MMP19: variants seen among roughly 807,000 people sequenced by gnomAD.
The protein encoded by MMP19 is matrix metalloproteinase-19.
MMP19 carries 47 observed loss-of-function variants against 46.6 expected under a neutral mutation model. That is an observed-to-expected ratio of 1.01 (90% CI 0.80 to 1.29). MMP19 has a LOEUF of 1.29. Ranked by LOEUF, MMP19 falls within the 50% of genes most tolerant of loss-of-function variation. The probability of loss-of-function intolerance (pLI) is 0.00; values close to 1 mark genes in which losing one functional copy is unlikely to be tolerated. For synonymous variants in MMP19, 222 were observed against 248.5 expected (o/e 0.89, Z 1.00); for missense variants, 589 against 643.5 (o/e 0.92, Z 0.92).
chr12:55,841,385 C>A (rs1209916900), intron 2 of MMP19, 149 bp from the exon 3 acceptor site: 2 of 770,644 alleles, frequency 2.6e-6, no homozygotes, highest in Non-Finnish European at 4.1e-6. Context: ...GCCTCCAGTC[C>A]TCATAACTGG....
At chr12:55,839,158 C>T (rs1881483309) in intron 5 of MMP19, among the ~76,000 whole-genome samples, 1 of 149,402 alleles carries the variant, frequency 6.7e-6, no homozygotes, top group Middle Eastern at 3.4e-3. Flanking sequence ...AGGAGAATGG[C>T]TTGAACCCGG....
Position 55,837,910 on chromosome 12 carries a change from C to A in MMP19, c.993G>T (p.Glu331Asp). 3.7e-6 allele frequency: 6 copies of A among 1,613,376 alleles called. No homozygotes were observed. The highest frequency in any genetic ancestry group is 5.1e-6 in the Non-Finnish European group (6 of 1,179,380). Residue 331 changes from glutamate (E) to aspartate (D), a missense_variant, in exon 7 of 9, where the codon GAG becomes GAT. By Grantham distance (45) the Glu-to-Asp change is conservative (BLOSUM62 2). Coordinates refer to ENST00000322569, the MANE Select transcript of MMP19 (RefSeq NM_002429.6). ...GPLFRVSALW[E>D]GLPGNLDAAV... ...CAGCATCCAGGTTTCCGGGGAGCCC[C>A]TCCCAAAGGGCAGACACTCGGAACA...
intron 5 of MMP19, 95 bp from the exon 6 acceptor site, chr12:55,838,829 AG>A (rs1881459960): frequency 2.1e-6 from 2 of 973,272 alleles, no homozygotes; most frequent in African/African-American, 1.6e-5. Context: ...CCCCATACAG[AG>A]GGGAAAAGGG....
In MMP19 at chr12:55,841,205, A is replaced by C; in HGVS notation, c.205T>G (p.Ser69Ala). Residue 69 changes from serine to alanine, a missense_variant, in exon 3 of 9, where the codon TCA becomes GCA. Ser to Ala is a moderately conservative substitution (Grantham distance 99). Coordinates refer to ENST00000322569, the MANE Select transcript of MMP19 (RefSeq NM_002429.6). Reference protein sequence around the residue: ...AFQEASELPVSGQLDDATRAR... With the variant: ...AFQEASELPVAGQLDDATRAR... ...CTTGTGGCATCATCCAGCTGACCTG[A>C]GACTGGAAGTTCAGATGCTTCCTGA... 1 of 1,613,790 alleles carries C rather than the reference A, an allele frequency of 6.2e-7. No homozygotes were observed. Among genetic ancestry groups the C allele is most frequent in the Non-Finnish European group, 8.5e-7 (1 of 1,179,942 alleles).
rs2279317 is a variant in MMP19 at position 55,836,965 on chromosome 12, G to C, written c.*71C>G. Reference sequence around the variant, plus strand: ...TCAGCTATTAGGCCTTAGGCTTCTGGGGGGGAAATGAAAGGGTGGGTGGTG... The same window carrying C: ...TCAGCTATTAGGCCTTAGGCTTCTGCGGGGGAAATGAAAGGGTGGGTGGTG... On this transcript the variant is annotated 3_prime_UTR_variant, in exon 9 of 9. Coordinates refer to ENST00000322569, the MANE Select transcript of MMP19 (RefSeq NM_002429.6). The C allele has an allele frequency of 1.8e-4, 240 of 1,366,730 alleles. 4 individuals are homozygous for C. In the East Asian group the frequency reaches 5.4e-3, roughly 31 times the overall value. The allele number at this position is 1,366,730 out of a possible 1,614,324, so 84.7% of individuals were successfully genotyped here. A position where few individuals can be genotyped will look rare whatever the true frequency, so the allele number is the denominator to read the frequency against.
Position 55,837,973 on chromosome 12 carries a change from GTCCCCCT to G in MMP19, c.923_929del (p.Lys308ThrfsTer64). 2.5e-6 allele frequency: 4 copies of G among 1,596,116 alleles called. No individual in the cohort carries two copies. The highest frequency in any genetic ancestry group is 3.4e-6 in the Non-Finnish European group (4 of 1,165,960). On this transcript the variant is annotated frameshift_variant, in exon 7 of 9. Coordinates refer to ENST00000322569, the MANE Select transcript of MMP19 (RefSeq NM_002429.6). LOFTEE classifies it high-confidence loss of function. ...CTGAATCTGATACAGTCCACACATA[GTCCCCCT>G]TGAAAGCATAGGTCTTCCCACGGGG...
chr12:55,840,973 C>A, intron 3 of MMP19, 91 bp from the exon 4 acceptor site: 2 of 1,534,490 alleles, frequency 1.3e-6, no homozygotes, highest in Non-Finnish European at 1.8e-6. Context: ...ACCCCCAAGA[C>A]AGGTGACAAC....
At chr12:55,838,781 G>C in intron 5 of MMP19, 47 bp from the exon 6 acceptor site, 9 of 1,466,070 alleles carry the variant, frequency 6.1e-6, no homozygotes, top group Non-Finnish European at 8.3e-6. Flanking sequence ...CACAGCACCT[G>C]TCCTCCACAC....
Position 55,837,651 on chromosome 12 carries a change from C to G in MMP19, c.1092G>C (p.Lys364Asn). 6.2e-7 allele frequency: 1 copy of G among 1,614,228 alleles called. No individual in the cohort carries two copies. Among genetic ancestry groups the G allele is most frequent in the Non-Finnish European group, 8.5e-7 (1 of 1,180,044 alleles). ...GCTTCTTGGGGAAGCCAGGAGACAT[C>G]TTGAAATTAATGTAGCGCCACACCT... ...GDKVWRYINF[K>N]MSPGFPKKLN... The change falls in exon 8 of 9, where the codon AAG (lysine) becomes AAC (asparagine). Residue 364 changes from lysine (K) to asparagine (N), a missense_variant. Lys to Asn is a moderately conservative substitution (Grantham distance 94). Transcript: ENST00000322569.
Position 55,838,688 on chromosome 12 carries a change from C to G in MMP19, c.813G>C (p.Glu271Asp). The stretch of plus-strand genomic sequence containing the variant: ...TGGGCACTGGGGGCACAGTGGGCAG[C>G]TCTGTCTCTTCTTCTTCCTCATCCC... ...VIRDEEEEET[E>D]LPTVPPVPTE... is the part of the protein sequence containing the mutation. Residue 271 changes from glutamate (E) to aspartate (D), a missense_variant, in exon 6 of 9, where the codon GAG (glutamate) becomes GAC (aspartate). By Grantham distance (45) the Glu-to-Asp change is conservative. Coordinates refer to ENST00000322569, the MANE Select transcript of MMP19 (RefSeq NM_002429.6). The G allele has an allele frequency of 6.2e-7, 1 of 1,612,366 alleles. No homozygotes were observed. Among genetic ancestry groups the G allele is most frequent in the Non-Finnish European group, 8.5e-7 (1 of 1,178,830 alleles).
chr12:55,839,429 C>T lies in MMP19; in HGVS notation c.766+67G>A, dbSNP rs1037189485. 9.1e-5 allele frequency: 139 copies of T among 1,525,940 alleles called. No individual in the cohort carries two copies. The Admixed American group carries it at 2.7e-3, about 30-fold the overall frequency. The allele number at this position is 1,525,940 out of a possible 1,614,324, so 94.5% of individuals were successfully genotyped here. A position where few individuals can be genotyped will look rare whatever the true frequency, so the allele number is the denominator to read the frequency against. On this transcript the variant is annotated intron_variant, in intron 5 of 8. Coordinates refer to ENST00000322569, the MANE Select transcript of MMP19 (RefSeq NM_002429.6). ...GCTATATCCCTACATGGAGGCTAGA[C>T]CTGTCTCTTCAAGCCTTGACGTGGG...
rs768329367 is a variant in MMP19, at chr12:55,841,207, ACT to A, written c.201_202del (p.Val68LeufsTer6). The A allele has an allele frequency of 2.2e-5, 36 of 1,613,614 alleles. No homozygotes were observed. The highest frequency in any genetic ancestry group is 3.0e-5 in the Non-Finnish European group (35 of 1,179,940). On this transcript the variant is annotated frameshift_variant, in exon 3 of 9. Transcript: ENST00000322569. LOFTEE classifies it high-confidence loss of function. Reference sequence around the variant, plus strand: ...TGTGGCATCATCCAGCTGACCTGAGACTGGAAGTTCAGATGCTTCCTGAAAAG... The same window carrying A: ...TGTGGCATCATCCAGCTGACCTGAGAGGAAGTTCAGATGCTTCCTGAAAAG...
In MMP19 at chr12:55,841,265, A is replaced by G. The variant is rs920662636; in HGVS notation, c.174-29T>C. 3.8e-6 allele frequency: 6 copies of G among 1,598,118 alleles called. No homozygotes were observed. In the African/African-American group the frequency reaches 5.3e-5, roughly 14 times the overall value. ...AAGGAGGGAGAGGGATGGGTCTACC[A>G]GGACAGGAAAATCTGAAATGACTGG... On this transcript the variant is annotated intron_variant, in intron 2 of 8. Coordinates refer to ENST00000322569, the MANE Select transcript of MMP19 (RefSeq NM_002429.6).
At position 55,837,266 on chromosome 12, in the gene MMP19, TAGC is replaced by T. The variant is rs755420052; in HGVS notation, c.1294_1296del (p.Ala432del). ...TAGACTCGGCCATCTTGCCAACTCA[TAGC>T]AGCCGAGGGCTGGTTTGGCACTCCC... On this transcript the variant is annotated inframe_deletion, in exon 9 of 9. Coordinates refer to ENST00000322569, the MANE Select transcript of MMP19 (RefSeq NM_002429.6). 7 of 1,614,074 alleles carry T rather than the reference TAGC, an allele frequency of 4.3e-6. No individual in the cohort carries two copies. Among genetic ancestry groups the T allele is most frequent in the South Asian group, 2.2e-5 (2 of 91,094 alleles).
chr12:55,839,867 G>T, intron 4 of MMP19, 126 bp from the exon 5 acceptor site: 1 of 1,275,762 alleles, frequency 7.8e-7, no homozygotes, highest in Non-Finnish European at 1.1e-6. Flanking sequence ...ACTGTCTCTT[G>T]GATGCTTCTT....
In MMP19 at chr12:55,837,659, T is replaced by C. The variant is rs1881339741; in HGVS notation, c.1084A>G (p.Asn362Asp). Residue 362 changes from asparagine (N) to aspartate (D), a missense_variant, in exon 8 of 9, where the codon AAT becomes GAT. Asn to Asp is a conservative substitution (Grantham distance 23). Transcript: ENST00000322569. ...FKGDKVWRYINFKMSPGFPKK... is the reference protein window; with the variant it reads ...FKGDKVWRYIDFKMSPGFPKK... The stretch of plus-strand genomic sequence containing the variant: ...GGGAAGCCAGGAGACATCTTGAAAT[T>C]AATGTAGCGCCACACCTTGTCTCCT... The C allele has an allele frequency of 6.2e-7, 1 of 1,614,220 alleles. No homozygotes were observed. The highest frequency in any genetic ancestry group is 8.5e-7 in the Non-Finnish European group (1 of 1,180,046).
chr12:55,838,667 C>A lies in MMP19; in HGVS notation c.834G>T (p.Val278=). Residue 278 remains valine (V), a synonymous_variant, in exon 6 of 9, where the codon GTG becomes GTT. Transcript: ENST00000322569. ...CTGGCATGGGACTGGGTTCTGTGGGCACTGGGGGCACAGTGGGCAGCTCTG... is the reference window on the plus strand; with the variant it reads ...CTGGCATGGGACTGGGTTCTGTGGGAACTGGGGGCACAGTGGGCAGCTCTG... ...EETELPTVPP[V]PTEPSPMPDP... is the part of the protein sequence containing the mutation. The A allele has an allele frequency of 1.2e-6, 2 of 1,613,748 alleles. No homozygotes were observed. The highest frequency in any genetic ancestry group is 2.2e-5 in the East Asian group (1 of 44,868).
chr12:55,839,472 C>T (rs369524350), intron 5 of MMP19, 24 bp downstream of exon 5: 780 of 1,582,470 alleles, frequency 4.9e-4, no homozygotes, highest in Non-Finnish European at 6.1e-4. Flanking sequence ...CTGACCCTCC[C>T]CCTCACTAGG....
At position 55,841,073 on chromosome 12, in the gene MMP19, C is replaced by T. The variant is rs924777393; in HGVS notation, c.304+33G>A. ...ACACGCCAGAACCACATCACCCCCT[C>T]CTCTCCCTCTCTTTTCCAGGCTCTG... On this transcript the variant is annotated intron_variant, in intron 3 of 8. Coordinates refer to ENST00000322569, the MANE Select transcript of MMP19 (RefSeq NM_002429.6). 4 of 1,602,260 alleles carry T rather than the reference C, an allele frequency of 2.5e-6. No homozygotes were observed. In the African/African-American group the frequency reaches 5.4e-5, roughly 21 times the overall value.
Sources: gnomAD v4.1 joint callset for allele counts (sites outside exome capture counted in the v4.1 genomes callset) on GRCh38, gnomAD v4.1.1 for gene constraint, MANE v1.5 for transcripts, NCBI Gene and HGNC (gene_info 2026-07-23, HGNC 2026-07-21) for gene names.